RBFOX1: variants seen among roughly 807,000 people sequenced by gnomAD.
RBFOX1 encodes RNA binding fox-1 homolog 1, also known as RNA binding protein fox-1 homolog 1.
In RBFOX1, 8 loss-of-function variants were observed where a neutral mutation model predicts 57.7. The observed-to-expected ratio is 0.14, with a 90% CI of 0.08 to 0.25. The LOEUF (loss-of-function observed/expected upper bound fraction) is 0.25, where lower values mean the gene tolerates loss of function less well. Ranked by LOEUF, RBFOX1 falls within the 10% of genes least tolerant of loss-of-function variation. The probability of loss-of-function intolerance (pLI) is 1.00; values close to 1 mark genes in which losing one functional copy is unlikely to be tolerated. For missense variants in RBFOX1, 611 were observed against 548.5 expected (o/e 1.11, Z -1.14); for synonymous variants, 326 against 222.4 (o/e 1.47, Z -4.15).
intron 5 of RBFOX1, among the ~76,000 whole-genome samples, chr16:7,526,904 G>C (rs1029371173): frequency 3.3e-5 from 5 of 152,154 alleles, no homozygotes; most frequent in Non-Finnish European, 5.9e-5. Context: ...ATTCTTAAGG[G>C]CTGGAAGCCC....
chr16:6,197,861 C>T (rs981681216), intron 1 of RBFOX1, among the ~76,000 whole-genome samples: 1 of 152,010 alleles, frequency 6.6e-6, no homozygotes, highest in Non-Finnish European at 1.5e-5. Flanking sequence ...CATGAGTTTC[C>T]ATCATTTAGC....
chr16:6,713,878 G>T (rs1475834949), intron 3 of RBFOX1, among the ~76,000 whole-genome samples: 1 of 152,186 alleles, frequency 6.6e-6, no homozygotes, highest in Non-Finnish European at 1.5e-5. Flanking sequence ...CTGATAGCAT[G>T]TGGAGAATTT....
At chr16:6,640,528 A>G (rs1273811622) in intron 2 of RBFOX1, among the ~76,000 whole-genome samples, 1 of 152,114 alleles carries the variant, frequency 6.6e-6, no homozygotes, top group African/African-American at 2.4e-5. Flanking sequence ...GAATAGCGTG[A>G]ACCCGGGAAG....
intron 1 of RBFOX1, among the ~76,000 whole-genome samples, chr16:6,299,538 T>C (rs528945068): frequency 1.3e-5 from 2 of 152,214 alleles, no homozygotes; most frequent in South Asian, 4.2e-4. Flanking sequence ...TTCAGAGACC[T>C]CATTTTACTC....
intron 2 of RBFOX1, among the ~76,000 whole-genome samples, chr16:6,387,010 A>T (rs769710479): frequency 6.6e-6 from 1 of 152,212 alleles, no homozygotes; most frequent in Non-Finnish European, 1.5e-5. Context: ...ACCCAGGAAC[A>T]TGACTGGGGT....
At chr16:7,537,831 T>C (rs930264129) in intron 5 of RBFOX1, among the ~76,000 whole-genome samples, 12 of 152,190 alleles carry the variant, frequency 7.9e-5, no homozygotes, top group African/African-American at 2.9e-4. Flanking sequence ...AAATTATGCA[T>C]TGGAAAACAA....
chr16:6,092,576 G>C (rs886356027), intron 1 of RBFOX1: 8 of 152,320 alleles, frequency 5.3e-5, no homozygotes, highest in African/African-American at 1.9e-4. Flanking sequence ...TATGGTGTAA[G>C]GAAGAGGTCC....
chr16:7,019,745 G>C (rs2153669668), intron 3 of RBFOX1, among the ~76,000 whole-genome samples: 1 of 152,294 alleles, frequency 6.6e-6, no homozygotes, highest in East Asian at 1.9e-4. Context: ...AACACTGCAT[G>C]TTTATGGGCT....
rs2148656821 is a variant in RBFOX1 at position 7,713,055 on chromosome 16, A to T, written c.*2310A>T. 6.6e-6 allele frequency: 1 copy of T among 152,290 alleles called. No individual in the cohort carries two copies. Among genetic ancestry groups the T allele is most frequent in the African/African-American group, 2.4e-5 (1 of 41,532 alleles). The allele number at this position is 152,290 out of a possible 1,614,324, so 9.4% of individuals were successfully genotyped here. A position where few individuals can be genotyped will look rare whatever the true frequency, so the allele number is the denominator to read the frequency against. ...CTCCAAGATGCCAATAAGTCATTTT[A>T]AAATGTATGTCAGAGATGTAAACAA... On this transcript the variant is annotated 3_prime_UTR_variant, in exon 16 of 16. Coordinates refer to ENST00000550418, the MANE Select transcript of RBFOX1 (RefSeq NM_018723.4).
intron 3 of RBFOX1, among the ~76,000 whole-genome samples, chr16:6,659,844 G>A (rs569573300): frequency 5.9e-5 from 9 of 152,274 alleles, no homozygotes; most frequent in African/African-American, 2.2e-4. Context: ...ACTGGAACTG[G>A]AGTGCTGACC....
chr16:6,400,764 G>A (rs924340369), intron 2 of RBFOX1, among the ~76,000 whole-genome samples: 1 of 152,098 alleles, frequency 6.6e-6, no homozygotes, highest in African/African-American at 2.4e-5. Context: ...CAGGCTTGGT[G>A]GGCGCTTGTA....
intron 3 of RBFOX1, among the ~76,000 whole-genome samples, chr16:6,951,550 G>T (rs1485293725): frequency 6.6e-6 from 1 of 151,980 alleles, no homozygotes; most frequent in African/African-American, 2.4e-5. Flanking sequence ...CAGGAATATT[G>T]GGGACTACTA....
intron 3 of RBFOX1, among the ~76,000 whole-genome samples, chr16:5,756,204 C>A (rs976546830): frequency 2.6e-5 from 3 of 114,396 alleles, no homozygotes; most frequent in Non-Finnish European, 4.9e-5. Flanking sequence ...GAACCCCCTT[C>A]TTACATCTTC....
At chr16:6,075,405 T>C (rs2095884155) in intron 1 of RBFOX1, among the ~76,000 whole-genome samples, 1 of 152,176 alleles carries the variant, frequency 6.6e-6, no homozygotes, top group Non-Finnish European at 1.5e-5. Flanking sequence ...ACTACAGAAA[T>C]AGCAGAGAAC....
intron 4 of RBFOX1, among the ~76,000 whole-genome samples, chr16:7,164,267 C>T (rs1039631583): frequency 9.2e-5 from 14 of 152,150 alleles, no homozygotes; most frequent in African/African-American, 2.9e-4. Context: ...TTTTCAGCTC[C>T]ATCCAGGTTG....
At position 6,634,085 on chromosome 16, in the gene RBFOX1, A is replaced by T. The variant is rs556510662; in HGVS notation, c.-63-20518A>T. ...TAAACCTACACACACACATACACAC[A>T]CACATACACATACACATACACACAG... On this transcript the variant is annotated intron_variant, in intron 2 of 15. Transcript: ENST00000550418. 1.6e-3 allele frequency among the ~76,000 whole-genome samples: 157 copies of T among 95,468 alleles called. 5 individuals are homozygous for T. The East Asian group carries it at 0.045, about 27-fold the overall frequency. The allele number at this position is 95,468 out of a possible 152,430, so 62.6% of individuals were successfully genotyped here. A position where few individuals can be genotyped will look rare whatever the true frequency, so the allele number is the denominator to read the frequency against.
chr16:5,665,610 G>A (rs866549522), intron 3 of RBFOX1, among the ~76,000 whole-genome samples: 14 of 152,314 alleles, frequency 9.2e-5, no homozygotes, highest in Middle Eastern at 3.4e-3. Flanking sequence ...GAGAACCAGC[G>A]CCTGGTTCAG....
rs557764037 is a variant in RBFOX1 at position 5,391,244 on chromosome 16, C to T, written c.220-75972C>T. The stretch of plus-strand genomic sequence containing the variant: ...CGGTTTAAAACAATTCACATTTATT[C>T]TCTTATAGTACTGGAGGTTAGAAGT... On this transcript the variant is annotated intron_variant, in intron 1 of 2. Transcript: ENST00000585867. 2.6e-5 allele frequency among the ~76,000 whole-genome samples: 4 copies of T among 152,326 alleles called. No homozygotes were observed. In the South Asian group the frequency reaches 8.3e-4, roughly 32 times the overall value.
intron 3 of RBFOX1, among the ~76,000 whole-genome samples, chr16:5,790,254 TGA>T (rs2054644218): frequency 1.3e-5 from 2 of 152,178 alleles, no homozygotes; most frequent in South Asian, 4.1e-4. Flanking sequence ...TTGTGGCCTG[TGA>T]GCTGGGAAGT....
Sources: allele counts gnomAD v4.1 joint callset (sites outside exome capture counted in the v4.1 genomes callset), GRCh38; gene constraint gnomAD v4.1.1; transcripts MANE v1.5; gene names NCBI Gene and HGNC (gene_info 2026-07-23, HGNC 2026-07-21).